Variants in BAALC observed in about 807,000 individuals in gnomAD.
The protein encoded by BAALC is BAALC binder of MAP3K1 and KLF4.
BAALC carries 9 observed loss-of-function variants against 15.5 expected under a neutral mutation model. The observed-to-expected ratio is 0.58, with a 90% CI of 0.35 to 1.02. BAALC has a LOEUF of 1.02. BAALC is among the 50% of genes least tolerant of loss of function. BAALC has a pLI of 0.02. For missense variants in BAALC, 201 were observed against 192.4 expected (o/e 1.04, Z -0.27); for synonymous variants, 80 against 74.6 (o/e 1.07, Z -0.37).
intron 1 of BAALC, among the ~76,000 whole-genome samples, chr8:103,150,963 C>A (rs148005431): frequency 1.1e-4 from 17 of 152,292 alleles, no homozygotes; most frequent in African/African-American, 4.1e-4. Flanking sequence ...TCATCCATCA[C>A]CCTCCCTGCT....
chr8:103,224,469 ATT>A (rs1812757520), intron 2 of BAALC, among the ~76,000 whole-genome samples: 2 of 151,984 alleles, frequency 1.3e-5, no homozygotes. Context: ...AAATTTAAAT[ATT>A]TTCTGGTAGA....
chr8:103,155,082 A>T (rs761672048), intron 1 of BAALC, among the ~76,000 whole-genome samples: 1 of 152,120 alleles, frequency 6.6e-6, no homozygotes, highest in Non-Finnish European at 1.5e-5. Context: ...TCCACAAGTC[A>T]TGTAACTTCA....
intron 1 of BAALC, among the ~76,000 whole-genome samples, chr8:103,196,985 T>C (rs1414513828): frequency 6.6e-6 from 1 of 152,244 alleles, no homozygotes; most frequent in Non-Finnish European, 1.5e-5. Context: ...ATTTTCTCAC[T>C]GGCTGCACTT....
At chr8:103,172,274 T>A (rs1811514082) in intron 1 of BAALC, 1 of 152,044 alleles carries the variant, frequency 6.6e-6, no homozygotes, top group Non-Finnish European at 1.5e-5. Context: ...TGTTGGTGAA[T>A]TACAACTTGA....
intron 1 of BAALC, among the ~76,000 whole-genome samples, chr8:103,209,369 C>A (rs1408067585): frequency 3.9e-5 from 6 of 151,990 alleles, no homozygotes; most frequent in Non-Finnish European, 8.8e-5. Context: ...GAGACTCCAT[C>A]TGAAAAAAAA....
At chr8:103,214,687 A>G (rs1179243864) in intron 2 of BAALC, among the ~76,000 whole-genome samples, 1 of 152,216 alleles carries the variant, frequency 6.6e-6, no homozygotes, top group African/African-American at 2.4e-5. Context: ...TATCCACACA[A>G]TGGAAATAAT....
At chr8:103,214,134 C>A (rs1280185934) in intron 2 of BAALC, among the ~76,000 whole-genome samples, 1 of 152,144 alleles carries the variant, frequency 6.6e-6, no homozygotes. Context: ...GATTCATGTT[C>A]AGAAAATGGC....
intron 2 of BAALC, among the ~76,000 whole-genome samples, chr8:103,220,513 G>A (rs935236579): frequency 1.3e-5 from 2 of 152,160 alleles, no homozygotes; most frequent in Non-Finnish European, 2.9e-5. Context: ...TTATGCGACA[G>A]GCACTAAATT....
intron 1 of BAALC, among the ~76,000 whole-genome samples, chr8:103,174,814 C>T (rs1811573307): frequency 6.6e-6 from 1 of 152,170 alleles, no homozygotes; most frequent in Non-Finnish European, 1.5e-5. Flanking sequence ...AGCTGGGGAA[C>T]ATCTTTTAGC....
intron 1 of BAALC, among the ~76,000 whole-genome samples, chr8:103,209,379 A>G (rs1201743063): frequency 6.6e-6 from 1 of 152,136 alleles, no homozygotes; most frequent in Non-Finnish European, 1.5e-5. Flanking sequence ...CTGAAAAAAA[A>G]CAAGGCAACA....
At chr8:103,141,148 A>G in intron 1 of BAALC, 91 bp downstream of exon 1, 2 of 1,320,910 alleles carry the variant, frequency 1.5e-6, no homozygotes, top group Non-Finnish European at 2.0e-6. Context: ...TCCCTGAGGA[A>G]TTGATGGCGC....
chr8:103,151,758 T>TAA (rs34866368), intron 1 of BAALC, among the ~76,000 whole-genome samples: 100 of 149,764 alleles, frequency 6.7e-4, no homozygotes, highest in Middle Eastern at 6.9e-3. Context: ...CCTCTGAATA[T>TAA]AAAAAAAAAA....
intron 1 of BAALC, among the ~76,000 whole-genome samples, chr8:103,196,194 T>C (rs1257418340): frequency 3.9e-5 from 6 of 152,192 alleles, no homozygotes; most frequent in Admixed American, 3.9e-4. Context: ...GCAGGGCACA[T>C]AGGGATCGGT....
At chr8:103,211,958 G>A (rs1812455528) in intron 1 of BAALC, among the ~76,000 whole-genome samples, 1 of 152,070 alleles carries the variant, frequency 6.6e-6, no homozygotes, top group Non-Finnish European at 1.5e-5. Flanking sequence ...CATCATACTT[G>A]GCATTCCCTG....
chr8:103,163,757 C>T (rs1015466612), intron 1 of BAALC, among the ~76,000 whole-genome samples: 2 of 152,150 alleles, frequency 1.3e-5, no homozygotes, highest in African/African-American at 4.8e-5. Flanking sequence ...GGCAGTCATT[C>T]CCTTCCTCCC....
chr8:103,217,537 T>G (rs1017066584), intron 2 of BAALC, among the ~76,000 whole-genome samples: 1 of 152,206 alleles, frequency 6.6e-6, no homozygotes, highest in African/African-American at 2.4e-5. Context: ...TCAGTCAGTA[T>G]CCACTTGCCT....
intron 1 of BAALC, among the ~76,000 whole-genome samples, chr8:103,164,420 C>A (rs1252264682): frequency 6.6e-6 from 1 of 152,160 alleles, no homozygotes; most frequent in African/African-American, 2.4e-5. Context: ...CTAAACCTCT[C>A]GTTTACTTCT....
At position 103,229,782 on chromosome 8, in the gene BAALC, T is replaced by TTCA. The variant is rs1407919321; in HGVS notation, c.*1688_*1690dup. On this transcript the variant is annotated 3_prime_UTR_variant, in exon 3 of 3. Transcript: ENST00000309982. ...CACGCAACTATAGTTTTTCTAAACCTTCATCATTTTGTGATTCTTTGAGAA... is the reference window on the plus strand; with the variant it reads ...CACGCAACTATAGTTTTTCTAAACCTTCATCATCATTTTGTGATTCTTTGAGAA... The TTCA allele has an allele frequency of 3.3e-5, 5 of 152,216 alleles. No homozygotes were observed. Among genetic ancestry groups the TTCA allele is most frequent in the African/African-American group, 4.8e-5 (2 of 41,450 alleles). The allele number at this position is 152,216 out of a possible 1,614,324, so 9.4% of individuals were successfully genotyped here.
chr8:103,223,586 G>A (rs993003201), intron 2 of BAALC, among the ~76,000 whole-genome samples: 1 of 152,088 alleles, frequency 6.6e-6, no homozygotes, highest in African/African-American at 2.4e-5. Flanking sequence ...GCAGGCTTAT[G>A]ATATACAGAT....
Sources: allele counts gnomAD v4.1 joint callset (sites outside exome capture counted in the v4.1 genomes callset), GRCh38; gene constraint gnomAD v4.1.1; transcripts MANE v1.5; gene names NCBI Gene and HGNC (gene_info 2026-07-23, HGNC 2026-07-21).